The following CDK19 variants were observed in gnomAD, a reference collection of about 807,000 sequenced individuals.
The protein encoded by CDK19 is cyclin-dependent kinase 19.
In CDK19, 20 loss-of-function variants were observed where a neutral mutation model predicts 68.3. The ratio of observed to expected loss-of-function variants is 0.29; its 90% CI spans 0.21 to 0.43. The LOEUF is 0.43. Among genes scored for constraint, CDK19 ranks in the 20% least tolerant of loss-of-function variants. CDK19 has a pLI of 1.00. For synonymous variants in CDK19, 221 were observed against 222.8 expected, an observed-to-expected ratio of 0.99 and a Z score of 0.07; for missense variants, 339 against 623.5, an observed-to-expected ratio of 0.54 and a Z score of 4.86.
chr6:110,799,764 GT>G (rs1339929240), intron 1 of CDK19, among the ~76,000 whole-genome samples: 2 of 151,922 alleles, frequency 1.3e-5, no homozygotes, highest in African/African-American at 2.4e-5. Context: ...TACCCAGCTA[GT>G]TTTTTTGTTT....
At chr6:110,799,141 A>C (rs1015217010) in intron 1 of CDK19, among the ~76,000 whole-genome samples, 16 of 56,668 alleles carry the variant, frequency 2.8e-4, no homozygotes, top group African/African-American at 1.2e-3. Context: ...AAAACCCTGT[A>C]TTTAAAAAAA....
At position 110,809,733 on chromosome 6, in the gene CDK19, A is replaced by C. The variant is rs778053989; in HGVS notation, c.128+5276T>G. On this transcript the variant is annotated intron_variant, in intron 1 of 12. Transcript: ENST00000368911. ...TTTGGTCTGCTTTTAAAATCAGTGG[A>C]GCATCTTTACCAATTAAAGGCATTT... 2.6e-5 allele frequency among the ~76,000 whole-genome samples: 4 copies of C among 152,212 alleles called. No individual in the cohort carries two copies. In the South Asian group the frequency reaches 6.2e-4, roughly 24 times the overall value.
intron 4 of CDK19, among the ~76,000 whole-genome samples, chr6:110,664,937 C>T (rs1420515566): frequency 6.6e-6 from 1 of 151,994 alleles, no homozygotes; most frequent in Non-Finnish European, 1.5e-5. Flanking sequence ...GAAATAAAGG[C>T]CATTAAGGCA....
chr6:110,634,361 T>C (rs1339620632), intron 5 of CDK19, among the ~76,000 whole-genome samples: 1 of 151,982 alleles, frequency 6.6e-6, no homozygotes, highest in Non-Finnish European at 1.5e-5. Context: ...GGATTACAGG[T>C]GCGCCACCAC....
At chr6:110,672,525 G>A (rs901200679) in intron 2 of CDK19, among the ~76,000 whole-genome samples, 5 of 152,186 alleles carry the variant, frequency 3.3e-5, no homozygotes, top group African/African-American at 1.2e-4. Context: ...AAAAATCAAA[G>A]TATATACAAG....
At chr6:110,784,911 A>C (rs1255687075) in intron 1 of CDK19, among the ~76,000 whole-genome samples, 1 of 152,166 alleles carries the variant, frequency 6.6e-6, no homozygotes, top group Non-Finnish European at 1.5e-5. Flanking sequence ...GTCCAGAATA[A>C]ACAAATCCAT....
chr6:110,779,350 C>A (rs1780633963), intron 1 of CDK19, among the ~76,000 whole-genome samples: 1 of 152,104 alleles, frequency 6.6e-6, no homozygotes, highest in South Asian at 2.1e-4. Flanking sequence ...CTGCACTCAC[C>A]CTATACACAG....
chr6:110,643,351 G>A (rs1342958008), intron 4 of CDK19: 3 of 418,848 alleles, frequency 7.2e-6, no homozygotes, highest in African/African-American at 2.1e-5. Context: ...AAGGAAAGCT[G>A]AGTCAACTAT....
intron 1 of CDK19, among the ~76,000 whole-genome samples, chr6:110,774,880 T>C (rs1583071443): frequency 6.7e-6 from 1 of 149,254 alleles, no homozygotes; most frequent in African/African-American, 2.5e-5. Flanking sequence ...GTCCAGGAGG[T>C]TGGGGCTGTA....
chr6:110,768,427 A>G (rs2114982242), intron 1 of CDK19, among the ~76,000 whole-genome samples: 1 of 152,314 alleles, frequency 6.6e-6, no homozygotes, highest in South Asian at 2.1e-4. Context: ...CTAAAGAAAA[A>G]CCTGCATACA....
intron 1 of CDK19, among the ~76,000 whole-genome samples, chr6:110,812,325 T>C (rs1783169073): frequency 6.6e-6 from 1 of 152,092 alleles, no homozygotes; most frequent in African/African-American, 2.4e-5. Flanking sequence ...GGTTTCACCA[T>C]GTTCACCAGG....
At chr6:110,804,681 C>T (rs972129114) in intron 1 of CDK19, among the ~76,000 whole-genome samples, 7 of 148,824 alleles carry the variant, frequency 4.7e-5, no homozygotes, top group Non-Finnish European at 1.0e-4. Flanking sequence ...TGTTGCCGGG[C>T]GCGGTGGCTC....
intron 2 of CDK19, among the ~76,000 whole-genome samples, chr6:110,709,909 T>C (rs763911727): frequency 3.3e-5 from 5 of 152,212 alleles, no homozygotes; most frequent in Non-Finnish European, 5.9e-5. Context: ...TATGTGTTAG[T>C]GACACATCTG....
intron 2 of CDK19, among the ~76,000 whole-genome samples, chr6:110,704,637 A>G (rs1013704388): frequency 1.3e-5 from 2 of 152,252 alleles, no homozygotes; most frequent in Non-Finnish European, 2.9e-5. Context: ...TAAAGTGTAA[A>G]GTCATTCCAT....
At chr6:110,709,886 T>C (rs1774814073) in intron 2 of CDK19, among the ~76,000 whole-genome samples, 3 of 152,178 alleles carry the variant, frequency 2.0e-5, no homozygotes, top group Non-Finnish European at 2.9e-5. Context: ...AAACTTCTTA[T>C]ACACAAATCA....
intron 2 of CDK19, among the ~76,000 whole-genome samples, chr6:110,707,682 A>G (rs930902984): frequency 4.6e-5 from 7 of 152,124 alleles, no homozygotes; most frequent in Admixed American, 1.3e-4. Flanking sequence ...TTTAAATAGT[A>G]TATTTCAGCC....
intron 1 of CDK19, among the ~76,000 whole-genome samples, chr6:110,753,570 G>A (rs187679112): frequency 1.2e-4 from 18 of 148,406 alleles, no homozygotes; most frequent in African/African-American, 4.2e-4. Context: ...TTTTCCTGTA[G>A]CGATGGGGTC....
chr6:110,717,939 G>A (rs753398047), intron 2 of CDK19, among the ~76,000 whole-genome samples: 1 of 152,104 alleles, frequency 6.6e-6, no homozygotes, highest in Non-Finnish European at 1.5e-5. Flanking sequence ...GACCACAGGT[G>A]ATCTGCCCGC....
chr6:110,684,551 T>A (rs1772293532), intron 2 of CDK19, among the ~76,000 whole-genome samples: 1 of 152,164 alleles, frequency 6.6e-6, no homozygotes, highest in Non-Finnish European at 1.5e-5. Flanking sequence ...ATTCTGTCCC[T>A]AGTTTTCTTG....
Sources: gnomAD v4.1 joint callset for allele counts (sites outside exome capture counted in the v4.1 genomes callset) on GRCh38, gnomAD v4.1.1 for gene constraint, MANE v1.5 for transcripts, NCBI Gene and HGNC (gene_info 2026-07-23, HGNC 2026-07-21) for gene names.